Variants in AHCY observed in about 807,000 individuals in gnomAD.
The protein encoded by AHCY is S-adenosyl-L-homocysteine hydrolase.
AHCY carries 24 observed loss-of-function variants against 45.4 expected under a neutral mutation model. That is an observed-to-expected ratio of 0.53 (90% CI 0.38 to 0.74). The LOEUF (loss-of-function observed/expected upper bound fraction) is 0.74, where lower values mean the gene tolerates loss of function less well. AHCY is among the 30% of genes least tolerant of loss of function. The pLI is 0.00. For synonymous variants in AHCY, 245 were observed against 235.1 expected (o/e 1.04, Z -0.39); for missense variants, 449 against 594.1 (o/e 0.76, Z 2.54).
chr20:34,295,445 T>G lies in AHCY; in HGVS notation c.169A>C (p.Thr57Pro). The part of the protein sequence containing the change: ...GARIAGCLHM[T>P]VETAVLIETL... ...TCAATGAGGACGGCCGTCTCCACGG[T>G]CATGTGCAGGCAGCCAGCGATGCGG... The change falls in exon 2 of 10, where the codon ACC (threonine) becomes CCC (proline). Residue 57 changes from threonine (T) to proline (P), a missense_variant. By Grantham distance (38) the Thr-to-Pro change is conservative (BLOSUM62 -1). Coordinates refer to ENST00000217426, the MANE Select transcript of AHCY (RefSeq NM_000687.4). The G allele has an allele frequency of 6.2e-7, 1 of 1,614,100 alleles. No homozygotes were observed. Among genetic ancestry groups the G allele is most frequent in the Non-Finnish European group, 8.5e-7 (1 of 1,180,018 alleles).
At chr20:34,236,900 G>C in the AHCY span, among the ~76,000 whole-genome samples, 1 of 152,090 alleles carries the variant, frequency 6.6e-6, no homozygotes, top group African/African-American at 2.4e-5. Context: ...TTAGGTAAGA[G>C]TCTAACTTCA....
At chr20:34,258,387 C>T in the AHCY span, among the ~76,000 whole-genome samples, 1 of 148,882 alleles carries the variant, frequency 6.7e-6, no homozygotes, top group African/African-American at 2.5e-5. Context: ...ATGTAAAAAC[C>T]ATTCTTATCT....
chr20:34,240,980 G>A, the AHCY span, among the ~76,000 whole-genome samples: 3,123 of 152,240 alleles, frequency 0.021, 48 homozygotes, highest in South Asian at 0.037. Flanking sequence ...AGCCAGCTCT[G>A]GGAGATCCTG....
the AHCY span, among the ~76,000 whole-genome samples, chr20:34,244,089 C>T: frequency 3.3e-5 from 5 of 152,094 alleles, no homozygotes; most frequent in South Asian, 4.1e-4. Context: ...AACAAAAAAA[C>T]TCTCATTCAA....
At chr20:34,239,776 C>T in the AHCY span, among the ~76,000 whole-genome samples, 6 of 152,152 alleles carry the variant, frequency 3.9e-5, no homozygotes, top group Non-Finnish European at 7.3e-5. Context: ...GAAATTGGTT[C>T]CTAGAAATAA....
Position 34,290,756 on chromosome 20 carries a change from G to A in AHCY, c.741C>T (p.Ile247=). 1 of 1,613,952 alleles carries A rather than the reference G, an allele frequency of 6.2e-7. No individual in the cohort carries two copies. Among genetic ancestry groups the A allele is most frequent in the Non-Finnish European group, 8.5e-7 (1 of 1,180,022 alleles). Residue 247 remains isoleucine, a synonymous_variant, in exon 6 of 10, where the codon ATC becomes ATT. Transcript: ENST00000217426. The surrounding 1 kb of genome is among the most constrained non-coding windows in gnomAD (Gnocchi z 4.5). ...CCTCCATGGCAGCCTGCAGTGCGTTGATGGGGTCAATCTCGGTGATGATGA... is the reference window on the plus strand; with the variant it reads ...CCTCCATGGCAGCCTGCAGTGCGTTAATGGGGTCAATCTCGGTGATGATGA... The part of the protein sequence containing the change: ...ARVIITEIDP[I]NALQAAMEGY...
chr20:34,307,799 T>A (rs189685798), upstream of AHCY, among the ~76,000 whole-genome samples: 488 of 152,336 alleles, frequency 3.2e-3, 3 homozygotes, highest in African/African-American at 0.011. Flanking sequence ...ATTAAAAAAA[T>A]TTTTTAACTT....
chr20:34,246,367 C>A, the AHCY span: 2 of 1,468,824 alleles, frequency 1.4e-6, no homozygotes, highest in Non-Finnish European at 1.9e-6. Flanking sequence ...TTAGAAAATT[C>A]TTCTCTAACC....
upstream of AHCY, among the ~76,000 whole-genome samples, chr20:34,304,579 G>T (rs2036871835): frequency 6.6e-6 from 1 of 151,300 alleles, no homozygotes; most frequent in African/African-American, 2.4e-5. Flanking sequence ...GAGTGCAGTG[G>T]CACCATCTAG....
chr20:34,306,994 G>A (rs534941072), upstream of AHCY, among the ~76,000 whole-genome samples: 1 of 152,264 alleles, frequency 6.6e-6, no homozygotes, highest in East Asian at 1.9e-4. Flanking sequence ...TCTGGATCTT[G>A]CTTTATCATT....
At chr20:34,278,321 G>T (rs1424128447), downstream of AHCY, among the ~76,000 whole-genome samples, 3 of 152,258 alleles carry the variant, frequency 2.0e-5, no homozygotes, top group Admixed American at 1.3e-4. Flanking sequence ...GGGAGGTGGG[G>T]GGCTACATGG....
chr20:34,293,755 C>T (rs531062405), intron 3 of AHCY: 21 of 411,054 alleles, frequency 5.1e-5, no homozygotes, highest in African/African-American at 2.5e-4. Context: ...TTTTCTGCCC[C>T]GTAGCCCTCC....
chr20:34,299,912 G>A (rs819151), intron 1 of AHCY, among the ~76,000 whole-genome samples: 132,540 of 152,256 alleles, frequency 0.87, 57,776 homozygotes, highest in Admixed American at 0.91. Flanking sequence ...GGCTGGGCGC[G>A]GTGGCTCACA....
At chr20:34,261,327 C>T in the AHCY span, among the ~76,000 whole-genome samples, 13,575 of 152,018 alleles carry the variant, frequency 0.089, 2,005 homozygotes, top group African/African-American at 0.31. Context: ...AGGGAGACCC[C>T]GTCTCTACAG....
At chr20:34,295,261 T>C in intron 2 of AHCY, 134 bp downstream of exon 2, 1 of 1,064,664 alleles carries the variant, frequency 9.4e-7, no homozygotes, top group Non-Finnish European at 1.4e-6. Context: ...GGAAACCGAG[T>C]GAGAGGGAGG....
intron 1 of AHCY, among the ~76,000 whole-genome samples, chr20:34,298,392 G>C (rs1355601221): frequency 1.3e-5 from 2 of 152,112 alleles, no homozygotes; most frequent in East Asian, 3.9e-4. Flanking sequence ...GCCATACAGA[G>C]ATAGGAGCTG....
chr20:34,233,655 G>A, the AHCY span, among the ~76,000 whole-genome samples: 2 of 152,262 alleles, frequency 1.3e-5, no homozygotes, highest in South Asian at 2.1e-4. Flanking sequence ...TGAAGATAAT[G>A]AATTGGCTAC....
intron 8 of AHCY, among the ~76,000 whole-genome samples, chr20:34,289,697 C>T (rs1002641248): frequency 4.6e-5 from 7 of 151,904 alleles, no homozygotes; most frequent in South Asian, 2.1e-4. Context: ...AGGCTGGTCT[C>T]GAACCCCTGA....
intron 1 of AHCY, among the ~76,000 whole-genome samples, chr20:34,301,170 G>C (rs1360889437): frequency 6.6e-6 from 1 of 152,230 alleles, no homozygotes; most frequent in Admixed American, 6.5e-5. Flanking sequence ...CCAATTAACC[G>C]CAGAACCAGA....
Sources: gnomAD v4.1 joint callset for allele counts (sites outside exome capture counted in the v4.1 genomes callset) on GRCh38, gnomAD v4.1.1 for gene constraint, Gnocchi (gnomAD v3.1) non-coding constraint, MANE v1.5 for transcripts, NCBI Gene and HGNC (gene_info 2026-07-23, HGNC 2026-07-21) for gene names.